Variants in DDX10 observed in about 807,000 individuals in gnomAD.
DDX10 encodes probable ATP-dependent RNA helicase DDX10.
Under a neutral mutation model 104.3 loss-of-function variants are expected in DDX10, and 74 were observed. The observed-to-expected ratio is 0.71, with a 90% CI of 0.59 to 0.86. The LOEUF (loss-of-function observed/expected upper bound fraction) is 0.86. Among genes scored for constraint, DDX10 ranks in the 40% least tolerant of loss-of-function variants. The probability of loss-of-function intolerance (pLI) is 0.00; values close to 1 mark genes in which losing one functional copy is unlikely to be tolerated. For synonymous variants in DDX10, 351 were observed against 353.4 expected (o/e 0.99, Z 0.08); for missense variants, 952 against 1,040.0 (o/e 0.92, Z 1.16).
intron 13 of DDX10, among the ~76,000 whole-genome samples, chr11:108,804,364 A>T (rs562067342): frequency 2.4e-3 from 372 of 151,876 alleles, no homozygotes; most frequent in African/African-American, 8.3e-3. Context: ...GCCAGGTATG[A>T]TGGTGTGTGT....
intron 5 of DDX10, 84 bp downstream of exon 5, chr11:108,678,519 TTA>T: frequency 7.8e-7 from 1 of 1,285,914 alleles, no homozygotes; most frequent in Non-Finnish European, 1.0e-6. Flanking sequence ...GATAGAAATT[TTA>T]TGTTAGATAA....
intron 15 of DDX10, among the ~76,000 whole-genome samples, chr11:108,850,138 C>T (rs1204552938): frequency 2.0e-5 from 3 of 151,996 alleles, no homozygotes; most frequent in Non-Finnish European, 2.9e-5. Flanking sequence ...TGTTTCATGT[C>T]TTGGTAACAT....
At chr11:108,680,522 A>G (rs1002054349) in intron 6 of DDX10, among the ~76,000 whole-genome samples, 20 of 152,176 alleles carry the variant, frequency 1.3e-4, no homozygotes, top group African/African-American at 4.8e-4. Context: ...CCCAGCTGGG[A>G]TATGTTTTAA....
At position 108,784,961 on chromosome 11, in the gene DDX10, T is replaced by G. The variant is rs554257815; in HGVS notation, c.1966-53485T>G. On this transcript the variant is annotated intron_variant, in intron 13 of 17. Transcript: ENST00000322536. ...ATTGAATAAGGAGCCCTTTCCCCATTGTTTATTCTTGTCAATTTTGTTGAA... is the reference window on the plus strand; with the variant it reads ...ATTGAATAAGGAGCCCTTTCCCCATGGTTTATTCTTGTCAATTTTGTTGAA... Among the ~76,000 whole-genome samples the G allele has an allele frequency of 3.3e-5, 5 of 152,324 alleles. No individual in the cohort carries two copies. The South Asian group carries it at 1.0e-3, about 32-fold the overall frequency.
intron 16 of DDX10, among the ~76,000 whole-genome samples, chr11:108,891,877 A>ATACCC (rs139837462): frequency 0.038 from 5,817 of 152,172 alleles, 408 homozygotes; most frequent in African/African-American, 0.13. Context: ...CTAACAGGGT[A>ATACCC]GTATAAAAAT....
intron 10 of DDX10, among the ~76,000 whole-genome samples, chr11:108,712,167 A>G (rs79124062): frequency 0.042 from 6,404 of 152,230 alleles, 367 homozygotes; most frequent in African/African-American, 0.13. Flanking sequence ...TTATCAAACC[A>G]CTTTCATTAA....
intron 16 of DDX10, among the ~76,000 whole-genome samples, chr11:108,867,867 GC>G (rs1863027342): frequency 6.6e-6 from 1 of 152,124 alleles, no homozygotes; most frequent in Non-Finnish European, 1.5e-5. Context: ...GACCCAGAGG[GC>G]ACTACTTTAT....
At position 108,687,235 on chromosome 11, in the gene DDX10, A is replaced by G. The variant is rs549347733; in HGVS notation, c.849-1701A>G. On this transcript the variant is annotated intron_variant, in intron 6 of 17. Coordinates refer to ENST00000322536, the MANE Select transcript of DDX10 (RefSeq NM_004398.4). The stretch of plus-strand genomic sequence containing the variant: ...CACTGTTCTGGATTTTGGCCATCTA[A>G]TAAGTGTGAAGTGACATATCGTTAT... 3.9e-5 allele frequency among the ~76,000 whole-genome samples: 6 copies of G among 152,318 alleles called. No individual in the cohort carries two copies. In the South Asian group the frequency reaches 1.0e-3, roughly 26 times the overall value.
intron 13 of DDX10, among the ~76,000 whole-genome samples, chr11:108,796,807 C>T (rs1861947088): frequency 6.6e-6 from 1 of 152,052 alleles, no homozygotes; most frequent in African/African-American, 2.4e-5. Flanking sequence ...GGGGGCACTG[C>T]CGTCATGAAT....
chr11:108,665,082 G>T lies in DDX10; in HGVS notation c.-72G>T, dbSNP rs983639482. The T allele has an allele frequency of 2.7e-6, 4 of 1,472,864 alleles. No individual in the cohort carries two copies. Among genetic ancestry groups the T allele is most frequent in the South Asian group, 1.5e-5 (1 of 68,788 alleles). The allele number at this position is 1,472,864 out of a possible 1,614,324, so 91.2% of individuals were successfully genotyped here. On this transcript the variant is annotated 5_prime_UTR_variant, in exon 1 of 18. It removes an upstream start codon present in the reference 5' UTR. Transcript: ENST00000322536. ...ATGCGCCTCTGTGCGTTTGTCCCAT[G>T]CTGGTTCCGTGAGTCTGGCCTTAGG...
chr11:108,745,032 C>T (rs1022751849), intron 13 of DDX10, among the ~76,000 whole-genome samples: 2 of 137,566 alleles, frequency 1.5e-5, no homozygotes, highest in Non-Finnish European at 3.2e-5. Context: ...AGGAAAATTA[C>T]TTTTTCCTTC....
intron 13 of DDX10, among the ~76,000 whole-genome samples, chr11:108,772,089 T>G (rs1271934715): frequency 6.6e-6 from 1 of 152,216 alleles, no homozygotes. Context: ...CACAAGTGTT[T>G]TTCCTCAAGG....
At chr11:108,865,542 G>A (rs1030967349) in intron 16 of DDX10, among the ~76,000 whole-genome samples, 5 of 152,088 alleles carry the variant, frequency 3.3e-5, no homozygotes, top group East Asian at 1.9e-4. Flanking sequence ...TTTGGAAGGC[G>A]TCAGATTTGG....
intron 6 of DDX10, among the ~76,000 whole-genome samples, chr11:108,686,600 T>G (rs905438125): frequency 1.3e-5 from 2 of 152,194 alleles, no homozygotes; most frequent in Non-Finnish European, 2.9e-5. Context: ...CTGAATAATA[T>G]TCCATTGTCT....
At chr11:108,835,965 C>T (rs1313664806) in intron 13 of DDX10, among the ~76,000 whole-genome samples, 1 of 152,118 alleles carries the variant, frequency 6.6e-6, no homozygotes, top group Non-Finnish European at 1.5e-5. Flanking sequence ...TTACGGTCCC[C>T]GCCCCCAGAC....
chr11:108,695,368 A>G (rs1197738611), intron 9 of DDX10, among the ~76,000 whole-genome samples: 1 of 152,216 alleles, frequency 6.6e-6, no homozygotes, highest in Non-Finnish European at 1.5e-5. Context: ...AACTGGACCA[A>G]TGGTTGCTTC....
chr11:108,797,832 G>A (rs1008404725), intron 13 of DDX10, among the ~76,000 whole-genome samples: 1 of 152,152 alleles, frequency 6.6e-6, no homozygotes, highest in Non-Finnish European at 1.5e-5. Flanking sequence ...AATGGCCTGG[G>A]GACTGAAGAG....
At chr11:108,776,860 G>A (rs900826395) in intron 13 of DDX10, among the ~76,000 whole-genome samples, 9 of 152,264 alleles carry the variant, frequency 5.9e-5, no homozygotes, top group East Asian at 1.9e-4. Context: ...TCCTACAACC[G>A]GAAAGGAAGT....
rs937505538 is a variant in DDX10 at position 108,912,803 on chromosome 11, A to G, written c.2305-5070A>G. 1.1e-4 allele frequency among the ~76,000 whole-genome samples: 16 copies of G among 152,260 alleles called. No homozygotes were observed. The South Asian group carries it at 1.7e-3, about 16-fold the overall frequency. On this transcript the variant is annotated intron_variant, in intron 16 of 17. Transcript: ENST00000322536. The stretch of plus-strand genomic sequence containing the variant: ...CTTATCTGAGTGTTTCCTCTGCCCT[A>G]TTGCTTCACTAAGCCAGACTAAGGC...
Sources: allele counts gnomAD v4.1 joint callset (sites outside exome capture counted in the v4.1 genomes callset), GRCh38; gene constraint gnomAD v4.1.1; transcripts MANE v1.5; gene names NCBI Gene and HGNC (gene_info 2026-07-23, HGNC 2026-07-21).